Variants in NOVA1 observed in about 807,000 individuals in gnomAD.
NOVA1 encodes the protein NOVA alternative splicing regulator 1, also known as RNA-binding protein Nova-1.
A neutral mutation model predicts 38.0 loss-of-function variants in NOVA1; 7 were observed. That is an observed-to-expected ratio of 0.18 (90% CI 0.10 to 0.35). The LOEUF (loss-of-function observed/expected upper bound fraction) is 0.35, where lower values mean the gene tolerates loss of function less well. NOVA1 is among the 10% of genes least tolerant of loss of function. NOVA1 has a pLI of 1.00. For missense variants in NOVA1, 460 were observed against 616.0 expected, an observed-to-expected ratio of 0.75 and a Z score of 2.68; for synonymous variants, 270 against 232.5, an observed-to-expected ratio of 1.16 and a Z score of -1.47.
intron 4 of NOVA1, among the ~76,000 whole-genome samples, chr14:26,459,532 T>C (rs1310410222): frequency 6.6e-6 from 1 of 152,114 alleles, no homozygotes; most frequent in Admixed American, 6.6e-5. Flanking sequence ...CTGTAAAATA[T>C]GCATGACTGT....
intron 2 of NOVA1, among the ~76,000 whole-genome samples, chr14:26,551,554 C>T (rs1891161746): frequency 6.6e-6 from 1 of 151,990 alleles, no homozygotes; most frequent in Admixed American, 6.6e-5. Context: ...TGCCACATAC[C>T]TATGGATTCT....
Position 26,536,670 on chromosome 14 carries a change from A to C in NOVA1, c.281-56527T>G, listed in dbSNP as rs554424782. 2.9e-3 allele frequency among the ~76,000 whole-genome samples: 435 copies of C among 152,314 alleles called. 2 individuals are homozygous for C. The highest frequency in any genetic ancestry group is 4.8e-3 in the Non-Finnish European group (324 of 68,018). Reference sequence around the variant, plus strand: ...AAAAAATAAGATCAAACCATAAGTGAGCATATTCATAACCTTCAAATAAGA... The same window carrying C: ...AAAAAATAAGATCAAACCATAAGTGCGCATATTCATAACCTTCAAATAAGA... On this transcript the variant is annotated intron_variant, in intron 2 of 4. Transcript: ENST00000539517.
chr14:26,476,328 C>A (rs1884981413), intron 3 of NOVA1, among the ~76,000 whole-genome samples: 3 of 151,590 alleles, frequency 2.0e-5, no homozygotes. Flanking sequence ...TCTTTTTTTT[C>A]CCCCCCAAAA....
chr14:26,468,457 G>A (rs1249911811), intron 4 of NOVA1, among the ~76,000 whole-genome samples: 1 of 152,222 alleles, frequency 6.6e-6, no homozygotes, highest in Non-Finnish European at 1.5e-5. Flanking sequence ...GGCTCAGCCT[G>A]CCTGGCTTAA....
At chr14:26,458,626 T>C (rs548098835) in intron 4 of NOVA1, among the ~76,000 whole-genome samples, 6 of 152,024 alleles carry the variant, frequency 3.9e-5, no homozygotes, top group Admixed American at 3.3e-4. Flanking sequence ...TGAGTAAACA[T>C]GGACATAAAG....
chr14:26,590,560 C>CA (rs1024613447), intron 2 of NOVA1, among the ~76,000 whole-genome samples: 8 of 151,868 alleles, frequency 5.3e-5, no homozygotes, highest in African/African-American at 1.9e-4. Context: ...GAAGCCAGAG[C>CA]AAAAAACTCC....
intron 4 of NOVA1, among the ~76,000 whole-genome samples, chr14:26,453,120 T>G (rs1280866612): frequency 1.3e-5 from 2 of 152,212 alleles, no homozygotes; most frequent in Non-Finnish European, 2.9e-5. Flanking sequence ...GGACAGTTCC[T>G]GTTTCAAATC....
intron 2 of NOVA1, among the ~76,000 whole-genome samples, chr14:26,503,292 C>T (rs1416129415): frequency 1.3e-5 from 2 of 151,820 alleles, no homozygotes; most frequent in African/African-American, 2.4e-5. Context: ...CTGAATCTCA[C>T]GCACACACCC....
intron 2 of NOVA1, among the ~76,000 whole-genome samples, chr14:26,525,898 T>G (rs975963225): frequency 1.3e-5 from 2 of 152,118 alleles, no homozygotes. Context: ...TATAGTAGTA[T>G]GGCCAATAAT....
At chr14:26,462,104 A>G (rs1883729619) in intron 4 of NOVA1, among the ~76,000 whole-genome samples, 2 of 152,138 alleles carry the variant, frequency 1.3e-5, no homozygotes, top group South Asian at 4.1e-4. Context: ...GTGTGCCCTA[A>G]GCGTATAGTG....
At chr14:26,469,329 T>C (rs552372917) in intron 4 of NOVA1, among the ~76,000 whole-genome samples, 9 of 152,296 alleles carry the variant, frequency 5.9e-5, no homozygotes, top group African/African-American at 2.2e-4. Context: ...AGGCTTTAAT[T>C]ACAGAAATAT....
At position 26,490,842 on chromosome 14, in the gene NOVA1, GTTTTTTTTTTTTT is replaced by G. The variant is rs71121880; in HGVS notation, c.281-10712_281-10700del. On this transcript the variant is annotated intron_variant, in intron 2 of 4. Coordinates refer to ENST00000539517, the MANE Select transcript of NOVA1 (RefSeq NM_002515.3). Reference sequence around the variant, plus strand: ...AGGTGCGCACCATCACATCTGGCTAGTTTTTTTTTTTTTTTTTTTTTTTTTGAGACGGAGTCTC... The same window carrying G: ...AGGTGCGCACCATCACATCTGGCTAGTTTTTTTTTTTTGAGACGGAGTCTC... 1.8e-4 allele frequency among the ~76,000 whole-genome samples: 13 copies of G among 70,808 alleles called. No homozygotes were observed. In the South Asian group the frequency reaches 5.9e-3, roughly 32 times the overall value. 46.5% of individuals were successfully genotyped at this position (70,808 alleles called of 152,430 possible).
At chr14:26,583,646 C>T (rs1456491842) in intron 2 of NOVA1, among the ~76,000 whole-genome samples, 1 of 151,218 alleles carries the variant, frequency 6.6e-6, no homozygotes, top group Non-Finnish European at 1.5e-5. Context: ...TCATATTTTT[C>T]AGACTTTTAA....
intron 2 of NOVA1, among the ~76,000 whole-genome samples, chr14:26,553,405 T>C (rs1230891428): frequency 6.6e-6 from 1 of 152,154 alleles, no homozygotes; most frequent in Non-Finnish European, 1.5e-5. Context: ...TGTAGCTGAA[T>C]AGTGCTGTTG....
At chr14:26,548,358 GA>G (rs1316273983) in intron 2 of NOVA1, among the ~76,000 whole-genome samples, 1 of 151,810 alleles carries the variant, frequency 6.6e-6, no homozygotes, top group Admixed American at 6.6e-5. Flanking sequence ...TATCTGCTTT[GA>G]CTAAGAATAT....
chr14:26,515,875 TATGTATAC>T (rs139722088), intron 2 of NOVA1, among the ~76,000 whole-genome samples: 6 of 152,178 alleles, frequency 3.9e-5, no homozygotes, highest in Admixed American at 6.5e-5. Flanking sequence ...CTTACTGAGG[TATGTATAC>T]ATGTATACAT....
intron 4 of NOVA1, among the ~76,000 whole-genome samples, chr14:26,461,710 C>T (rs1289899686): frequency 2.0e-5 from 3 of 150,998 alleles, no homozygotes; most frequent in African/African-American, 7.3e-5. Flanking sequence ...GGGCAGATCA[C>T]CTGAGGTCGA....
chr14:26,566,371 T>A (rs1478662422), intron 2 of NOVA1, among the ~76,000 whole-genome samples: 1 of 152,098 alleles, frequency 6.6e-6, no homozygotes, highest in Non-Finnish European at 1.5e-5. Context: ...ACATATATAC[T>A]AGTTTGGCTC....
intron 2 of NOVA1, among the ~76,000 whole-genome samples, chr14:26,520,621 T>C (rs1409444527): frequency 3.9e-5 from 6 of 152,130 alleles, no homozygotes; most frequent in Admixed American, 6.6e-5. Flanking sequence ...ATATGTCAGG[T>C]GACTCAAATT....
Sources: allele counts gnomAD v4.1 joint callset (sites outside exome capture counted in the v4.1 genomes callset), GRCh38; gene constraint gnomAD v4.1.1; transcripts MANE v1.5; gene names NCBI Gene and HGNC (gene_info 2026-07-23, HGNC 2026-07-21).